Variants in SOX5 observed in about 807,000 individuals in gnomAD.
SOX5 encodes the protein transcription factor SOX-5.
Under a neutral mutation model 92.0 loss-of-function variants are expected in SOX5, and 9 were observed. That is an observed-to-expected ratio of 0.10 (90% CI 0.06 to 0.17). The LOEUF is 0.17. Ranked by LOEUF, SOX5 falls within the 10% of genes least tolerant of loss-of-function variation. The pLI, the probability that SOX5 is intolerant of heterozygous loss-of-function variation, is 1.00. For synonymous variants in SOX5, 344 were observed against 336.3 expected (o/e 1.02, Z -0.25); for missense variants, 642 against 944.5 (o/e 0.68, Z 4.20).
At chr12:23,943,518 C>T (rs1056187894) in intron 1 of SOX5, among the ~76,000 whole-genome samples, 6 of 152,134 alleles carry the variant, frequency 3.9e-5, no homozygotes, top group African/African-American at 7.2e-5. Flanking sequence ...TACATTTATA[C>T]GCTGCTGTAC....
chr12:24,183,936 C>T (rs1439398342), intron 4 of SOX5, among the ~76,000 whole-genome samples: 3 of 152,152 alleles, frequency 2.0e-5, no homozygotes, highest in Admixed American at 2.0e-4. Context: ...TGTAAACACT[C>T]AGAAAGGTGT....
At chr12:23,981,997 G>T (rs143676224) in intron 4 of SOX5, among the ~76,000 whole-genome samples, 26 of 152,238 alleles carry the variant, frequency 1.7e-4, no homozygotes, top group African/African-American at 5.5e-4. Context: ...TAACCTAGAA[G>T]ACAAAGACCA....
intron 1 of SOX5, among the ~76,000 whole-genome samples, chr12:23,906,448 T>A (rs967996961): frequency 2.6e-5 from 4 of 152,338 alleles, no homozygotes; most frequent in African/African-American, 9.6e-5. Flanking sequence ...TGCACTAGAC[T>A]TTTTTCCCCC....
At chr12:23,577,145 A>ATG (rs1949247318) in intron 9 of SOX5, among the ~76,000 whole-genome samples, 1 of 113,916 alleles carries the variant, frequency 8.8e-6, no homozygotes, top group Admixed American at 1.0e-4. Flanking sequence ...GTTTATATAT[A>ATG]TATATACACA....
At chr12:23,610,248 A>T (rs7311001) in intron 8 of SOX5, among the ~76,000 whole-genome samples, 46,463 of 151,938 alleles carry the variant, frequency 0.31, 7,287 homozygotes, top group Middle Eastern at 0.37. Flanking sequence ...TTTCATTAAT[A>T]CCTAGAGGTG....
chr12:24,501,601 G>C (rs111804458), intron 1 of SOX5, among the ~76,000 whole-genome samples: 1 of 152,130 alleles, frequency 6.6e-6, no homozygotes, highest in Non-Finnish European at 1.5e-5. Flanking sequence ...TGAGGTGAGC[G>C]GATTGCTTGA....
In SOX5 at chr12:23,867,636, A is replaced by G. The variant is rs73265700; in HGVS notation, c.271-21443T>C. 6.0e-3 allele frequency among the ~76,000 whole-genome samples: 907 copies of G among 152,186 alleles called. 8 individuals carry two copies. The highest frequency in any genetic ancestry group is 0.021 in the African/African-American group (865 of 41,542). ...CAAATTAAAAAAATCTAGATTTACAATAAGATGAATAAGGAATTTGTACTA... is the reference window on the plus strand; with the variant it reads ...CAAATTAAAAAAATCTAGATTTACAGTAAGATGAATAAGGAATTTGTACTA... On this transcript the variant is annotated intron_variant, in intron 2 of 14. Transcript: ENST00000451604.
At chr12:23,958,728 T>A (rs1166931346) in intron 4 of SOX5, among the ~76,000 whole-genome samples, 1 of 148,494 alleles carries the variant, frequency 6.7e-6, no homozygotes, top group African/African-American at 2.5e-5. Flanking sequence ...GGATTTTAAG[T>A]AAAAAAAAAA....
intron 2 of SOX5, among the ~76,000 whole-genome samples, chr12:24,284,882 C>T (rs1035472507): frequency 3.9e-5 from 6 of 152,088 alleles, no homozygotes; most frequent in African/African-American, 7.2e-5. Flanking sequence ...CCCAGCACTT[C>T]GGGACGCTCA....
rs567753990 is a variant in SOX5 at position 23,736,670 on chromosome 12, A to C, written c.742-1918T>G. 5.0e-3 allele frequency among the ~76,000 whole-genome samples: 761 copies of C among 151,356 alleles called. 6 individuals are homozygous for C. Among genetic ancestry groups the C allele is most frequent in the South Asian group, 0.018 (87 of 4,800 alleles). The stretch of plus-strand genomic sequence containing the variant: ...TATCTTTGGAATATGGTAAAAAAAA[A>C]ACACATTTTGTTCTTTCTCTTTTTT... On this transcript the variant is annotated intron_variant, in intron 5 of 14. Transcript: ENST00000451604.
intron 4 of SOX5, among the ~76,000 whole-genome samples, chr12:23,979,988 G>T (rs1344735281): frequency 6.6e-6 from 1 of 151,428 alleles, no homozygotes; most frequent in Admixed American, 6.6e-5. Context: ...TAGATAGATA[G>T]ATAGTAGAGA....
At chr12:24,445,466 C>A (rs1941333426) in intron 1 of SOX5, among the ~76,000 whole-genome samples, 1 of 152,128 alleles carries the variant, frequency 6.6e-6, no homozygotes, top group African/African-American at 2.4e-5. Flanking sequence ...AGACAGATGA[C>A]TTTTGAATAC....
At chr12:23,863,521 T>C (rs1482436403) in intron 2 of SOX5, among the ~76,000 whole-genome samples, 1 of 152,182 alleles carries the variant, frequency 6.6e-6, no homozygotes, top group Non-Finnish European at 1.5e-5. Flanking sequence ...TTGTGTCATA[T>C]GGCTTCTCAT....
Position 23,854,546 on chromosome 12 carries a change from AT to A in SOX5, c.271-8354del, listed in dbSNP as rs375185949. Among the ~76,000 whole-genome samples the A allele has an allele frequency of 1.1e-4, 16 of 152,068 alleles. No homozygotes were observed. The East Asian group carries it at 2.1e-3, about 20-fold the overall frequency. ...GATAAGTGAAAATTAATTTATATGT[AT>A]ATGATTTATCTCCAAAATTTAACAC... On this transcript the variant is annotated intron_variant, in intron 2 of 14. Transcript: ENST00000451604.
intron 1 of SOX5, among the ~76,000 whole-genome samples, chr12:24,467,150 C>A (rs1015751304): frequency 1.3e-5 from 2 of 152,180 alleles, no homozygotes; most frequent in Admixed American, 6.5e-5. Flanking sequence ...CATATCCTAA[C>A]CTGAAACTCC....
chr12:23,686,731 T>C (rs75204870), intron 6 of SOX5, among the ~76,000 whole-genome samples: 4,816 of 152,170 alleles, frequency 0.032, 99 homozygotes, highest in Non-Finnish European at 0.043. Flanking sequence ...TTTTTCCTTT[T>C]TTGGAAATTC....
intron 9 of SOX5, among the ~76,000 whole-genome samples, chr12:23,586,478 C>CG (rs1566059331): frequency 6.6e-6 from 1 of 151,436 alleles, no homozygotes; most frequent in Admixed American, 6.6e-5. Context: ...AAGAGTTTTA[C>CG]GGGGAAAAAA....
intron 3 of SOX5, among the ~76,000 whole-genome samples, chr12:23,842,536 C>A (rs1302302576): frequency 6.6e-6 from 1 of 152,076 alleles, no homozygotes; most frequent in African/African-American, 2.4e-5. Flanking sequence ...TCAGATCTTG[C>A]ATTCTAATAT....
chr12:24,407,754 G>C (rs1236822519), intron 1 of SOX5, among the ~76,000 whole-genome samples: 1 of 152,192 alleles, frequency 6.6e-6, no homozygotes, highest in Non-Finnish European at 1.5e-5. Flanking sequence ...GACAGATACG[G>C]AGTGATCAGC....
Sources: gnomAD v4.1 joint callset for allele counts (sites outside exome capture counted in the v4.1 genomes callset) on GRCh38, gnomAD v4.1.1 for gene constraint, MANE v1.5 for transcripts, NCBI Gene and HGNC (gene_info 2026-07-23, HGNC 2026-07-21) for gene names.